ZNF804A: variants seen among roughly 807,000 people sequenced by gnomAD.
ZNF804A encodes zinc finger protein 804A.
A neutral mutation model predicts 16.5 loss-of-function variants in ZNF804A; 2 were observed. The ratio of observed to expected loss-of-function variants is 0.12; its 90% CI spans 0.05 to 0.38. The LOEUF is 0.38. Among genes scored for constraint, ZNF804A ranks in the 10% least tolerant of loss-of-function variants. The pLI is 0.99. For synonymous variants in ZNF804A, 534 were observed against 489.6 expected (o/e 1.09, Z -1.20); for missense variants, 1,473 against 1,390.7 (o/e 1.06, Z -0.94).
chr2:184,824,515 T>C (rs1574229335), intron 1 of ZNF804A, among the ~76,000 whole-genome samples: 1 of 152,200 alleles, frequency 6.6e-6, no homozygotes, highest in East Asian at 1.9e-4. Context: ...TGTGCTATGA[T>C]TACTATTGCT....
intron 1 of ZNF804A, among the ~76,000 whole-genome samples, chr2:184,750,851 C>T (rs1171855759): frequency 1.3e-5 from 2 of 151,198 alleles, no homozygotes; most frequent in African/African-American, 4.8e-5. Flanking sequence ...TCCCCAAGAC[C>T]CTGGAAACCA....
chr2:184,810,137 TTA>T (rs1694869101), intron 1 of ZNF804A, among the ~76,000 whole-genome samples: 1 of 152,172 alleles, frequency 6.6e-6, no homozygotes, highest in African/African-American at 2.4e-5. Context: ...AAGCACAGCT[TTA>T]CCCTTTGTCT....
At chr2:184,683,220 C>T (rs572289310) in intron 1 of ZNF804A, among the ~76,000 whole-genome samples, 25 of 152,170 alleles carry the variant, frequency 1.6e-4, no homozygotes, top group Admixed American at 4.6e-4. Flanking sequence ...AATTCAATGT[C>T]TACTTTTTAA....
At chr2:184,687,305 C>T (rs72899983) in intron 1 of ZNF804A, among the ~76,000 whole-genome samples, 7,893 of 152,170 alleles carry the variant, frequency 0.052, 262 homozygotes, top group Non-Finnish European at 0.077. Context: ...TCGTTACTGT[C>T]GGCCTTGTCA....
chr2:184,622,746 A>C (rs359885), intron 1 of ZNF804A, among the ~76,000 whole-genome samples: 83,825 of 151,638 alleles, frequency 0.55, 24,041 homozygotes, highest in African/African-American at 0.65. Context: ...TGTGTATGCA[A>C]GAGTAAATTA....
chr2:184,817,085 A>G (rs112082841), intron 1 of ZNF804A, among the ~76,000 whole-genome samples: 186 of 152,124 alleles, frequency 1.2e-3, no homozygotes, highest in Non-Finnish European at 2.2e-3. Flanking sequence ...CAAGAAGACC[A>G]GTAAAACCAT....
chr2:184,863,187 A>C (rs1193011435), intron 1 of ZNF804A, among the ~76,000 whole-genome samples: 1 of 152,104 alleles, frequency 6.6e-6, no homozygotes. Flanking sequence ...TTTAGAAATA[A>C]TTAAATGCTA....
intron 1 of ZNF804A, among the ~76,000 whole-genome samples, chr2:184,707,504 A>G (rs1351995512): frequency 1.3e-5 from 2 of 151,906 alleles, no homozygotes; most frequent in African/African-American, 2.4e-5. Context: ...TGTTTACCCA[A>G]TGTTTAGCTC....
chr2:184,891,950 A>T (rs1289719138), intron 2 of ZNF804A, among the ~76,000 whole-genome samples: 1 of 152,156 alleles, frequency 6.6e-6, no homozygotes, highest in African/African-American at 2.4e-5. Context: ...GAAAAACCAA[A>T]ACTGCTTGTA....
chr2:184,732,138 C>T (rs1693530374), intron 1 of ZNF804A, among the ~76,000 whole-genome samples: 1 of 152,022 alleles, frequency 6.6e-6, no homozygotes, highest in Non-Finnish European at 1.5e-5. Context: ...AACTCATCAT[C>T]TAAGTTTCTT....
chr2:184,660,591 C>A (rs568784888), intron 1 of ZNF804A, among the ~76,000 whole-genome samples: 5 of 152,306 alleles, frequency 3.3e-5, no homozygotes, highest in African/African-American at 1.2e-4. Context: ...TTAAAAAAAT[C>A]ATTTATTAAT....
At chr2:184,627,524 T>C (rs1691525070) in intron 1 of ZNF804A, among the ~76,000 whole-genome samples, 1 of 152,232 alleles carries the variant, frequency 6.6e-6, no homozygotes. Context: ...GATCTTGCCT[T>C]GAAATGAATT....
intron 2 of ZNF804A, among the ~76,000 whole-genome samples, chr2:184,907,474 C>T (rs189797053): frequency 6.6e-6 from 1 of 152,252 alleles, no homozygotes; most frequent in African/African-American, 2.4e-5. Context: ...TTACATATCC[C>T]ATATACAGTA....
At chr2:184,818,954 A>T (rs1173925639) in intron 1 of ZNF804A, among the ~76,000 whole-genome samples, 1 of 152,042 alleles carries the variant, frequency 6.6e-6, no homozygotes, top group Non-Finnish European at 1.5e-5. Context: ...CTCCCACACA[A>T]TACTAGTAGG....
At chr2:184,782,769 T>A (rs1016312633) in intron 1 of ZNF804A, among the ~76,000 whole-genome samples, 14 of 121,470 alleles carry the variant, frequency 1.2e-4, no homozygotes, top group Non-Finnish European at 2.1e-4. Context: ...CAGTAAGGAT[T>A]TTTTTTTTTT....
intron 1 of ZNF804A, among the ~76,000 whole-genome samples, chr2:184,746,102 A>T (rs540024300): frequency 6.6e-6 from 1 of 151,462 alleles, no homozygotes; most frequent in Non-Finnish European, 1.5e-5. Flanking sequence ...ATAATATTTG[A>T]TAAAATACAT....
At chr2:184,858,406 A>G (rs1241985745) in intron 1 of ZNF804A, among the ~76,000 whole-genome samples, 2 of 151,582 alleles carry the variant, frequency 1.3e-5, no homozygotes, top group Non-Finnish European at 2.9e-5. Flanking sequence ...CGGGAGGGTG[A>G]GGCAGGAGAA....
At chr2:184,715,509 C>T (rs1333564627) in intron 1 of ZNF804A, among the ~76,000 whole-genome samples, 1 of 152,034 alleles carries the variant, frequency 6.6e-6, no homozygotes, top group Non-Finnish European at 1.5e-5. Context: ...TCTCAGCCTC[C>T]CACATATAGC....
intron 1 of ZNF804A, among the ~76,000 whole-genome samples, chr2:184,732,370 C>T (rs370333383): frequency 1.5e-4 from 22 of 151,632 alleles, no homozygotes; most frequent in Non-Finnish European, 3.1e-4. Context: ...TACTTCTGGA[C>T]CTTCTATCAT....
Sources: gnomAD v4.1 joint callset for allele counts (sites outside exome capture counted in the v4.1 genomes callset) on GRCh38, gnomAD v4.1.1 for gene constraint, MANE v1.5 for transcripts, NCBI Gene and HGNC (gene_info 2026-07-23, HGNC 2026-07-21) for gene names.